Variants in PKHD1 observed in about 807,000 individuals in gnomAD.
The protein encoded by PKHD1 is fibrocystin.
A neutral mutation model predicts 412.0 loss-of-function variants in PKHD1; 291 were observed. The observed-to-expected ratio is 0.71, with a 90% CI of 0.64 to 0.78. The LOEUF is 0.78. Ranked by LOEUF, PKHD1 falls within the 30% of genes least tolerant of loss-of-function variation. PKHD1 has a pLI of 0.00. For missense variants in PKHD1, 4,825 were observed against 4,950.7 expected, an observed-to-expected ratio of 0.97 and a Z score of 0.76; for synonymous variants, 1,777 against 1,821.5, an observed-to-expected ratio of 0.98 and a Z score of 0.62.
intron 55 of PKHD1, among the ~76,000 whole-genome samples, chr6:51,763,282 T>C (rs1446595077): frequency 6.6e-6 from 1 of 152,084 alleles, no homozygotes; most frequent in Non-Finnish European, 1.5e-5. Context: ...AGATAATGTA[T>C]GTAAAATGCT....
intron 60 of PKHD1, among the ~76,000 whole-genome samples, chr6:51,684,120 T>C (rs1476771572): frequency 6.6e-6 from 1 of 152,090 alleles, no homozygotes; most frequent in East Asian, 1.9e-4. Context: ...TTTATTTAAT[T>C]ATCATAGCAA....
At chr6:52,043,185 A>T (rs773710690) in intron 26 of PKHD1, 51 bp from the exon 27 acceptor site, 1 of 1,432,570 alleles carries the variant, frequency 7.0e-7, no homozygotes. Context: ...TCTCAGTGAT[A>T]TTACTTCATT....
chr6:51,670,624 T>C (rs1336667152), intron 60 of PKHD1, among the ~76,000 whole-genome samples: 1 of 152,086 alleles, frequency 6.6e-6, no homozygotes, highest in East Asian at 1.9e-4. Flanking sequence ...CGTTAGTTCA[T>C]GCAGTTTCTT....
intron 35 of PKHD1, among the ~76,000 whole-genome samples, chr6:51,977,090 C>T (rs1188510245): frequency 6.6e-6 from 1 of 152,018 alleles, no homozygotes; most frequent in Non-Finnish European, 1.5e-5. Flanking sequence ...TCTGTAAAGC[C>T]TATTTGGAAT....
chr6:52,057,391 T>TTA (rs1807919612), intron 16 of PKHD1, among the ~76,000 whole-genome samples: 1 of 151,892 alleles, frequency 6.6e-6, no homozygotes, highest in Non-Finnish European at 1.5e-5. Context: ...GTAGGGCACA[T>TTA]TATAGTTTTG....
intron 60 of PKHD1, among the ~76,000 whole-genome samples, chr6:51,731,254 A>G (rs1275990762): frequency 6.6e-6 from 1 of 152,234 alleles, no homozygotes; most frequent in Non-Finnish European, 1.5e-5. Context: ...CTAAAATAAA[A>G]AGAAATAGAA....
At chr6:51,685,565 T>C (rs1464795525) in intron 60 of PKHD1, among the ~76,000 whole-genome samples, 1 of 152,158 alleles carries the variant, frequency 6.6e-6, no homozygotes, top group African/African-American at 2.4e-5. Flanking sequence ...TGTATCCCAG[T>C]GTTTCTGAGA....
intron 29 of PKHD1, among the ~76,000 whole-genome samples, chr6:52,031,236 T>C (rs2128159673): frequency 6.6e-6 from 1 of 152,328 alleles, no homozygotes; most frequent in South Asian, 2.1e-4. Context: ...GTATGGTAAG[T>C]TCAACTAAGT....
chr6:51,634,678 T>C (rs983575223), intron 64 of PKHD1, among the ~76,000 whole-genome samples: 3 of 152,308 alleles, frequency 2.0e-5, no homozygotes, highest in South Asian at 4.1e-4. Flanking sequence ...TTTCCATTGA[T>C]ATGATTCGGG....
intron 53 of PKHD1, among the ~76,000 whole-genome samples, chr6:51,781,043 C>T (rs1791917516): frequency 6.6e-6 from 1 of 152,130 alleles, no homozygotes; most frequent in Non-Finnish European, 1.5e-5. Flanking sequence ...ATGGTGTTTA[C>T]TTTGGAAGTT....
At chr6:51,989,431 T>G (rs1796601483) in intron 35 of PKHD1, among the ~76,000 whole-genome samples, 1 of 152,194 alleles carries the variant, frequency 6.6e-6, no homozygotes, top group African/African-American at 2.4e-5. Flanking sequence ...AAAATACGTA[T>G]AGGTACATGT....
In PKHD1 at chr6:51,907,276, T is replaced by A. The variant is rs367784573; in HGVS notation, c.6683-936A>T. ...AGTTACTTTAGTTTACAGAATAATT[T>A]GACTTTTACAGTTGGGACTATCCAA... On this transcript the variant is annotated intron_variant, in intron 40 of 66. Coordinates refer to ENST00000371117, the MANE Select transcript of PKHD1 (RefSeq NM_138694.4). 2.0e-5 allele frequency among the ~76,000 whole-genome samples: 3 copies of A among 152,192 alleles called. No individual in the cohort carries two copies. In the East Asian group the frequency reaches 5.8e-4, roughly 29 times the overall value.
intron 29 of PKHD1, 62 bp downstream of exon 29, chr6:52,032,968 T>C: frequency 7.1e-7 from 1 of 1,411,894 alleles, no homozygotes; most frequent in Non-Finnish European, 1.0e-6. Flanking sequence ...GGACATTGAT[T>C]GCCCTTTTTA....
chr6:51,864,351 G>T (rs1241998721), intron 48 of PKHD1, among the ~76,000 whole-genome samples: 2 of 152,192 alleles, frequency 1.3e-5, no homozygotes, highest in South Asian at 2.1e-4. Context: ...CATTTAGAAA[G>T]TTCAGAGATT....
chr6:52,083,637 T>C (rs1294921335), intron 2 of PKHD1, among the ~76,000 whole-genome samples: 1 of 152,124 alleles, frequency 6.6e-6, no homozygotes, highest in Non-Finnish European at 1.5e-5. Flanking sequence ...CTCTCTCTGC[T>C]CTCTTTCCCA....
At chr6:51,644,430 T>C (rs1438332228) in intron 63 of PKHD1, among the ~76,000 whole-genome samples, 1 of 152,186 alleles carries the variant, frequency 6.6e-6, no homozygotes, top group Non-Finnish European at 1.5e-5. Context: ...TATGATTGAC[T>C]TATGGCTATC....
At chr6:51,644,149 T>C (rs1199410663) in intron 63 of PKHD1, among the ~76,000 whole-genome samples, 2 of 152,040 alleles carry the variant, frequency 1.3e-5, no homozygotes, top group Non-Finnish European at 1.5e-5. Context: ...CTGGAATCGA[T>C]GAGGTGCAGC....
chr6:51,882,455 T>C lies in PKHD1; in HGVS notation c.7350+638A>G, dbSNP rs551919638. 8.5e-5 allele frequency among the ~76,000 whole-genome samples: 13 copies of C among 152,340 alleles called. 1 individual carries two copies. Among genetic ancestry groups the C allele is most frequent in the South Asian group, 4.1e-4 (2 of 4,828 alleles). ...TCAAAACTTATCATTTAAATTTCAA[T>C]TGAACTAAGCACTCAGGAACAAACT... On this transcript the variant is annotated intron_variant, in intron 46 of 66. Coordinates refer to ENST00000371117, the MANE Select transcript of PKHD1 (RefSeq NM_138694.4).
chr6:51,787,533 T>C (rs562535028), intron 53 of PKHD1, among the ~76,000 whole-genome samples: 1 of 152,188 alleles, frequency 6.6e-6, no homozygotes, highest in Non-Finnish European at 1.5e-5. Context: ...GGGATTTCTT[T>C]AGGATGTGGT....
Sources: allele counts gnomAD v4.1 joint callset (sites outside exome capture counted in the v4.1 genomes callset), GRCh38; gene constraint gnomAD v4.1.1; transcripts MANE v1.5; gene names NCBI Gene and HGNC (gene_info 2026-07-23, HGNC 2026-07-21).